JAK1: variants seen among roughly 807,000 people sequenced by gnomAD.
JAK1 encodes tyrosine-protein kinase JAK1.
JAK1 carries 16 observed loss-of-function variants against 136.6 expected under a neutral mutation model. The observed-to-expected ratio is 0.12, with a 90% CI of 0.08 to 0.18. The LOEUF (loss-of-function observed/expected upper bound fraction) is 0.18. Among genes scored for constraint, JAK1 ranks in the 10% least tolerant of loss-of-function variants. JAK1 has a pLI of 1.00. For synonymous variants in JAK1, 492 were observed against 519.5 expected (o/e 0.95, Z 0.72); for missense variants, 859 against 1,450.1 (o/e 0.59, Z 6.62).
intron 1 of JAK1, among the ~76,000 whole-genome samples, chr1:64,943,989 G>C (rs995656349): frequency 6.6e-6 from 1 of 151,752 alleles, no homozygotes; most frequent in Non-Finnish European, 1.5e-5. Context: ...TTGGGAGGCC[G>C]AGGTAGGCGG....
chr1:64,902,501 G>A (rs150816582), intron 1 of JAK1, among the ~76,000 whole-genome samples: 1 of 150,380 alleles, frequency 6.6e-6, no homozygotes, highest in Non-Finnish European at 1.5e-5. Flanking sequence ...ACAAGGATCT[G>A]AGTATATAAC....
chr1:64,921,140 TATG>T (rs1433952557), intron 1 of JAK1, among the ~76,000 whole-genome samples: 3 of 152,190 alleles, frequency 2.0e-5, no homozygotes, highest in South Asian at 2.1e-4. Flanking sequence ...CACATCTGAA[TATG>T]ATGAGATGTT....
chr1:65,034,606 A>T (rs1157632670), intron 2 of JAK1, among the ~76,000 whole-genome samples: 1 of 152,232 alleles, frequency 6.6e-6, no homozygotes, highest in East Asian at 1.9e-4. Context: ...GTTTCTCTAT[A>T]AAATGAAGAA....
intron 2 of JAK1, among the ~76,000 whole-genome samples, chr1:65,033,848 T>G (rs1210814946): frequency 6.6e-6 from 1 of 152,188 alleles, no homozygotes; most frequent in South Asian, 2.1e-4. Flanking sequence ...CTTAGCAATT[T>G]AGAGTGTGTG....
At chr1:64,911,355 C>A (rs1194943281) in intron 1 of JAK1, among the ~76,000 whole-genome samples, 1 of 152,096 alleles carries the variant, frequency 6.6e-6, no homozygotes, top group Non-Finnish European at 1.5e-5. Flanking sequence ...TTATACCCAA[C>A]AACAGGTGTA....
intron 1 of JAK1, among the ~76,000 whole-genome samples, chr1:65,052,194 C>T (rs1647309499): frequency 6.7e-6 from 1 of 148,806 alleles, no homozygotes; most frequent in Admixed American, 7.2e-5. Context: ...CTTTGGTCTC[C>T]CAGAGTACTG....
upstream of JAK1, among the ~76,000 whole-genome samples, chr1:64,969,201 GTT>G (rs112904048): frequency 2.1e-5 from 3 of 145,942 alleles, no homozygotes; most frequent in South Asian, 6.5e-4. Context: ...AAAATAGTGG[GTT>G]TTTTTTTTTG....
chr1:64,971,047 G>A (rs1646447643), upstream of JAK1, among the ~76,000 whole-genome samples: 1 of 152,188 alleles, frequency 6.6e-6, no homozygotes. Flanking sequence ...GGGAAAATAT[G>A]TTAGATGCAA....
At chr1:64,839,533 T>C (rs1654755863) in intron 20 of JAK1, 70 bp downstream of exon 20, 1 of 1,397,516 alleles carries the variant, frequency 7.2e-7, no homozygotes, top group African/African-American at 1.4e-5. Context: ...AGTGCCTGTT[T>C]TGCACTGGCC....
At chr1:64,877,149 C>T (rs551836935) in intron 4 of JAK1, among the ~76,000 whole-genome samples, 1 of 152,282 alleles carries the variant, frequency 6.6e-6, no homozygotes, top group Non-Finnish European at 1.5e-5. Flanking sequence ...CTATCAAAAG[C>T]ATTATCTAAA....
chr1:64,893,138 C>G, intron 1 of JAK1, among the ~76,000 whole-genome samples: 1 of 151,602 alleles, frequency 6.6e-6, no homozygotes, highest in Admixed American at 6.6e-5. Context: ...TACAGCTGTT[C>G]TTTAAAAAAA....
chr1:65,038,807 T>A (rs1647100989), intron 2 of JAK1, among the ~76,000 whole-genome samples: 1 of 151,752 alleles, frequency 6.6e-6, no homozygotes, highest in Non-Finnish European at 1.5e-5. Flanking sequence ...CCCAGCTAAT[T>A]TTTGTACTTT....
At chr1:65,043,528 A>G (rs1383795683) in intron 2 of JAK1, among the ~76,000 whole-genome samples, 1 of 151,800 alleles carries the variant, frequency 6.6e-6, no homozygotes, top group Non-Finnish European at 1.5e-5. Flanking sequence ...ATATATATAT[A>G]GTTTGTTTTT....
intron 2 of JAK1, among the ~76,000 whole-genome samples, chr1:64,884,444 A>G (rs965622401): frequency 3.9e-5 from 6 of 152,104 alleles, no homozygotes; most frequent in Non-Finnish European, 7.4e-5. Context: ...TCTCCATAAC[A>G]CATACCAGAT....
At chr1:65,007,827 C>T (rs573440577) in intron 2 of JAK1, among the ~76,000 whole-genome samples, 1 of 152,054 alleles carries the variant, frequency 6.6e-6, no homozygotes, top group South Asian at 2.1e-4. Flanking sequence ...CTCACTGCAA[C>T]CTCCACCTCC....
At chr1:64,846,238 A>G (rs998842909) in intron 14 of JAK1, among the ~76,000 whole-genome samples, 33 of 152,108 alleles carry the variant, frequency 2.2e-4, no homozygotes, top group East Asian at 9.7e-4. Context: ...CAACCAAGAA[A>G]GGGCCAAGCC....
chr1:65,051,677 T>C (rs1204320583), intron 1 of JAK1, among the ~76,000 whole-genome samples: 1 of 152,210 alleles, frequency 6.6e-6, no homozygotes, highest in Non-Finnish European at 1.5e-5. Flanking sequence ...TGCAATTTCA[T>C]TTACAAAGAT....
At chr1:64,954,318 A>AT (rs1646144054) in intron 1 of JAK1, among the ~76,000 whole-genome samples, 2 of 152,232 alleles carry the variant, frequency 1.3e-5, no homozygotes, top group African/African-American at 4.8e-5. Flanking sequence ...ATTAAATTAA[A>AT]TATCAAATGC....
At chr1:65,013,258 G>A (rs539054331) in intron 2 of JAK1, among the ~76,000 whole-genome samples, 15 of 151,232 alleles carry the variant, frequency 9.9e-5, no homozygotes, top group South Asian at 2.1e-4. Flanking sequence ...TTAGCCGGGC[G>A]TGCTGGCATG....
Sources: allele counts gnomAD v4.1 joint callset (sites outside exome capture counted in the v4.1 genomes callset), GRCh38; gene constraint gnomAD v4.1.1; transcripts MANE v1.5; gene names NCBI Gene and HGNC (gene_info 2026-07-23, HGNC 2026-07-21).